The following SLC35F4 variants were observed in gnomAD, a reference collection of about 807,000 sequenced individuals.
SLC35F4 encodes chromosome 14 open reading frame 36.
SLC35F4 carries 24 observed loss-of-function variants against 44.2 expected under a neutral mutation model. The observed-to-expected ratio is 0.54, with a 90% confidence interval of 0.39 to 0.76. The LOEUF (loss-of-function observed/expected upper bound fraction) is 0.76. Among genes scored for constraint, SLC35F4 ranks in the 30% least tolerant of loss-of-function variants. The pLI is 0.00. For synonymous variants in SLC35F4, 238 were observed against 223.6 expected (o/e 1.06, Z -0.57); for missense variants, 562 against 586.1 (o/e 0.96, Z 0.42).
chr14:57,707,999 T>G (rs868503891), intron 1 of SLC35F4, among the ~76,000 whole-genome samples: 2 of 152,332 alleles, frequency 1.3e-5, no homozygotes, highest in Middle Eastern at 6.8e-3. Flanking sequence ...GGGACCAGTC[T>G]GCCTCTGCAG....
chr14:57,967,124 AT>A (rs1334705205), intron 1 of SLC35F4, among the ~76,000 whole-genome samples: 2 of 152,194 alleles, frequency 1.3e-5, no homozygotes, highest in Non-Finnish European at 2.9e-5. Context: ...ATATATGACA[AT>A]CTTTTACTTT....
chr14:57,723,468 G>A lies in SLC35F4; in HGVS notation c.104-129344C>T, dbSNP rs561714761. 2.0e-5 allele frequency among the ~76,000 whole-genome samples: 3 copies of A among 152,306 alleles called. No homozygotes were observed. The East Asian group carries it at 5.8e-4, about 29-fold the overall frequency. On this transcript the variant is annotated intron_variant, in intron 1 of 7. Coordinates refer to ENST00000556826, the MANE Select transcript of SLC35F4 (RefSeq NM_001306087.2). Reference sequence around the variant, plus strand: ...ACATCCCTGTTCAACTCTCCCATTTGGCCTGTGCAGAAGACAGATGGATCT... The same window carrying A: ...ACATCCCTGTTCAACTCTCCCATTTAGCCTGTGCAGAAGACAGATGGATCT...
intron 1 of SLC35F4, among the ~76,000 whole-genome samples, chr14:57,806,645 T>C (rs959561997): frequency 1.3e-5 from 2 of 152,214 alleles, no homozygotes; most frequent in Non-Finnish European, 1.5e-5. Context: ...TATGAAATGA[T>C]TTTCCCAGGG....
intron 1 of SLC35F4, among the ~76,000 whole-genome samples, chr14:57,896,039 C>T (rs808237): frequency 0.16 from 23,775 of 151,998 alleles, 2,011 homozygotes; most frequent in South Asian, 0.22. Context: ...TTGAACTGGA[C>T]GCTCTTTACC....
intron 1 of SLC35F4, among the ~76,000 whole-genome samples, chr14:57,607,346 C>G (rs1241093511): frequency 6.6e-6 from 1 of 152,138 alleles, no homozygotes; most frequent in Admixed American, 6.6e-5. Context: ...GAGACAGCTG[C>G]TTAGGAAGCT....
chr14:57,881,399 T>C (rs543338501), intron 1 of SLC35F4, among the ~76,000 whole-genome samples: 1 of 152,304 alleles, frequency 6.6e-6, no homozygotes, highest in South Asian at 2.1e-4. Flanking sequence ...GCAACATATA[T>C]ATTTTAAATA....
intron 1 of SLC35F4, among the ~76,000 whole-genome samples, chr14:57,720,556 G>T (rs1002181767): frequency 2.0e-5 from 3 of 152,084 alleles, no homozygotes; most frequent in African/African-American, 7.2e-5. Flanking sequence ...GTCAATCTTG[G>T]TAGGTTGTAT....
intron 1 of SLC35F4, among the ~76,000 whole-genome samples, chr14:57,827,356 G>T (rs1054293809): frequency 4.6e-5 from 7 of 152,186 alleles, no homozygotes; most frequent in Non-Finnish European, 1.0e-4. Flanking sequence ...CACGGGAGCT[G>T]GGGGAGGGAG....
At chr14:57,850,568 A>C (rs1298426722) in intron 1 of SLC35F4, among the ~76,000 whole-genome samples, 1 of 152,246 alleles carries the variant, frequency 6.6e-6, no homozygotes, top group Non-Finnish European at 1.5e-5. Flanking sequence ...CAATTCAGTA[A>C]GGAGAAACTG....
At chr14:57,790,316 T>C (rs543660051) in intron 1 of SLC35F4, among the ~76,000 whole-genome samples, 36 of 152,192 alleles carry the variant, frequency 2.4e-4, no homozygotes, top group Non-Finnish European at 3.8e-4. Context: ...AAAATCAATA[T>C]GCAAAAATCA....
chr14:57,938,298 T>C (rs1177080480), intron 1 of SLC35F4, among the ~76,000 whole-genome samples: 1 of 151,598 alleles, frequency 6.6e-6, no homozygotes, highest in Non-Finnish European at 1.5e-5. Context: ...AGGGGTAATA[T>C]AAGAAGTAGT....
At chr14:57,979,996 C>T (rs1881332295) in intron 1 of SLC35F4, among the ~76,000 whole-genome samples, 2 of 152,206 alleles carry the variant, frequency 1.3e-5, no homozygotes, top group South Asian at 4.1e-4. Context: ...TGCTTTATTT[C>T]CTTCCTTCCT....
At chr14:57,822,916 C>T (rs1015379818) in intron 1 of SLC35F4, among the ~76,000 whole-genome samples, 1 of 152,118 alleles carries the variant, frequency 6.6e-6, no homozygotes, top group African/African-American at 2.4e-5. Context: ...GTATCTACAA[C>T]TTCATCCCCT....
intron 1 of SLC35F4, among the ~76,000 whole-genome samples, chr14:57,820,567 G>C (rs1883070383): frequency 6.6e-6 from 1 of 152,198 alleles, no homozygotes; most frequent in African/African-American, 2.4e-5. Context: ...TAACTTCAAT[G>C]AACTGTTCTC....
At chr14:57,851,414 T>C (rs1277822623) in intron 1 of SLC35F4, among the ~76,000 whole-genome samples, 3 of 152,194 alleles carry the variant, frequency 2.0e-5, no homozygotes, top group Non-Finnish European at 4.4e-5. Flanking sequence ...AGTTCATAGA[T>C]CAGATTTTCA....
chr14:57,930,621 G>A (rs1306853133), intron 1 of SLC35F4, among the ~76,000 whole-genome samples: 2 of 152,076 alleles, frequency 1.3e-5, no homozygotes, highest in Non-Finnish European at 2.9e-5. Flanking sequence ...CTTCTAAAAT[G>A]TTTAGAACAA....
chr14:57,819,546 C>T (rs1201566266), intron 1 of SLC35F4, among the ~76,000 whole-genome samples: 1 of 151,964 alleles, frequency 6.6e-6, no homozygotes, highest in Non-Finnish European at 1.5e-5. Flanking sequence ...TGGCTCACGC[C>T]TGTAATCCCA....
chr14:57,978,598 G>A (rs1361779609), intron 1 of SLC35F4, among the ~76,000 whole-genome samples: 5 of 152,178 alleles, frequency 3.3e-5, no homozygotes. Flanking sequence ...ACACTAACCT[G>A]TAGGGTTGGA....
intron 1 of SLC35F4, chr14:57,630,543 C>A: frequency 1.8e-6 from 2 of 1,112,110 alleles, no homozygotes; most frequent in Non-Finnish European, 2.7e-6. Context: ...GATTCCAAAA[C>A]ACATTATAAG....
Sources: gnomAD v4.1 joint callset for allele counts (sites outside exome capture counted in the v4.1 genomes callset) on GRCh38, gnomAD v4.1.1 for gene constraint, MANE v1.5 for transcripts, NCBI Gene and HGNC (gene_info 2026-07-23, HGNC 2026-07-21) for gene names.